The following RANBP2 variants were observed in gnomAD, a reference collection of about 807,000 sequenced individuals.
The protein encoded by RANBP2 is RAN binding protein 2.
Under a neutral mutation model 303.6 loss-of-function variants are expected in RANBP2, and 57 were observed. The observed-to-expected ratio is 0.19, with a 90% CI of 0.15 to 0.23. The LOEUF is 0.23. Among genes scored for constraint, RANBP2 ranks in the 10% least tolerant of loss-of-function variants. The pLI is 1.00. For synonymous variants in RANBP2, 1,167 were observed against 1,301.5 expected, an observed-to-expected ratio of 0.90 and a Z score of 2.23; for missense variants, 3,138 against 3,780.8, an observed-to-expected ratio of 0.83 and a Z score of 4.46.
intron 23 of RANBP2, among the ~76,000 whole-genome samples, chr2:108,774,292 T>C (rs1677720817): frequency 6.6e-6 from 1 of 152,216 alleles, no homozygotes. Flanking sequence ...CTGTCTTTGG[T>C]TTCCATGTAA....
At chr2:109,032,259 G>A in the RANBP2 span, among the ~76,000 whole-genome samples, 113,961 of 151,982 alleles carry the variant, frequency 0.75, 42,970 homozygotes, top group East Asian at 0.86. Context: ...TTTTATTTCA[G>A]GGCATTTTCC....
the RANBP2 span, among the ~76,000 whole-genome samples, chr2:108,920,177 G>C: frequency 3.3e-5 from 5 of 152,228 alleles, no homozygotes; most frequent in Non-Finnish European, 5.9e-5. Flanking sequence ...TGCTGGGCTG[G>C]GATGCTTCAT....
At chr2:109,765,343 G>A in the RANBP2 span, among the ~76,000 whole-genome samples, 1 of 149,612 alleles carries the variant, frequency 6.7e-6, no homozygotes, top group South Asian at 2.2e-4. Flanking sequence ...TTATTACTAT[G>A]TGTGATACAC....
At chr2:109,419,162 GCT>G in the RANBP2 span, among the ~76,000 whole-genome samples, 32 of 152,146 alleles carry the variant, frequency 2.1e-4, no homozygotes, top group Non-Finnish European at 3.7e-4. Flanking sequence ...TTTTAAATAA[GCT>G]CTGTTTCATA....
chr2:108,957,238 C>T, the RANBP2 span, among the ~76,000 whole-genome samples: 7 of 152,372 alleles, frequency 4.6e-5, no homozygotes, highest in East Asian at 5.8e-4. Context: ...TTCTGGTGGG[C>T]TCCCAGGTGG....
At chr2:108,861,052 G>A in the RANBP2 span, among the ~76,000 whole-genome samples, 1 of 144,358 alleles carries the variant, frequency 6.9e-6, no homozygotes, top group Non-Finnish European at 1.5e-5. Flanking sequence ...AATCTTGGGA[G>A]ATTGTATATT....
At chr2:109,016,538 C>T in the RANBP2 span, among the ~76,000 whole-genome samples, 2 of 152,228 alleles carry the variant, frequency 1.3e-5, no homozygotes, top group Admixed American at 1.3e-4. Flanking sequence ...TTAAAGGACA[C>T]ATGCCAGTCC....
At chr2:109,275,350 G>A in the RANBP2 span, among the ~76,000 whole-genome samples, 23 of 152,290 alleles carry the variant, frequency 1.5e-4, no homozygotes, top group East Asian at 3.9e-3. Context: ...TTGTGATAAC[G>A]TTGATAAGTT....
chr2:109,574,368 C>T, the RANBP2 span, among the ~76,000 whole-genome samples: 1 of 149,526 alleles, frequency 6.7e-6, no homozygotes, highest in Non-Finnish European at 1.5e-5. Flanking sequence ...ATCGTTTGAG[C>T]CCACGGGTTT....
At chr2:109,066,140 G>A in the RANBP2 span, among the ~76,000 whole-genome samples, 14 of 148,134 alleles carry the variant, frequency 9.5e-5, no homozygotes, top group East Asian at 1.0e-3. Flanking sequence ...ACATAGTATC[G>A]CTCTGTCCCC....
chr2:109,481,649 A>C, the RANBP2 span, among the ~76,000 whole-genome samples: 1 of 152,196 alleles, frequency 6.6e-6, no homozygotes, highest in African/African-American at 2.4e-5. Context: ...AAAGCGGCCA[A>C]GGGGCTGGAC....
the RANBP2 span, among the ~76,000 whole-genome samples, chr2:109,498,076 C>T: frequency 2.0e-5 from 3 of 152,156 alleles, no homozygotes; most frequent in African/African-American, 4.8e-5. Flanking sequence ...CATCTGTCCT[C>T]CTTGAAGGAG....
At chr2:109,725,683 G>A in the RANBP2 span, among the ~76,000 whole-genome samples, 2 of 152,142 alleles carry the variant, frequency 1.3e-5, no homozygotes, top group Non-Finnish European at 2.9e-5. Context: ...ATGCTGCTTT[G>A]AGTTTCATAT....
chr2:109,661,546 A>G, the RANBP2 span, among the ~76,000 whole-genome samples: 1 of 152,102 alleles, frequency 6.6e-6, no homozygotes, highest in Non-Finnish European at 1.5e-5. Context: ...GTGCCTGGCC[A>G]AGTAGAAGGT....
chr2:109,536,300 G>A, the RANBP2 span, among the ~76,000 whole-genome samples: 1 of 152,198 alleles, frequency 6.6e-6, no homozygotes, highest in Non-Finnish European at 1.5e-5. Context: ...AAGCCACAAG[G>A]GCAGAGCTGC....
chr2:109,626,592 T>C, the RANBP2 span, among the ~76,000 whole-genome samples: 59,553 of 151,888 alleles, frequency 0.39, 12,801 homozygotes, highest in Middle Eastern at 0.57. Flanking sequence ...AGCCAGTCGA[T>C]GGGGAGGTGA....
At chr2:109,036,833 C>T in the RANBP2 span, among the ~76,000 whole-genome samples, 1 of 152,072 alleles carries the variant, frequency 6.6e-6, no homozygotes, top group African/African-American at 2.4e-5. Flanking sequence ...CATGGCAAAA[C>T]CCCGTCTCTT....
At chr2:109,086,066 C>T in the RANBP2 span, among the ~76,000 whole-genome samples, 2 of 152,206 alleles carry the variant, frequency 1.3e-5, no homozygotes, top group Non-Finnish European at 2.9e-5. Context: ...CAAAGCATAA[C>T]GTCCTCAAGT....
chr2:109,733,208 C>T, the RANBP2 span: 1 of 419,752 alleles, frequency 2.4e-6, no homozygotes, highest in Non-Finnish European at 4.7e-6. Context: ...CTGACTCCAT[C>T]TGCTACTATA....
Sources: allele counts gnomAD v4.1 joint callset (sites outside exome capture counted in the v4.1 genomes callset), GRCh38; gene constraint gnomAD v4.1.1; transcripts MANE v1.5; gene names NCBI Gene and HGNC (gene_info 2026-07-23, HGNC 2026-07-21).